Variants in ZNF248 observed in about 807,000 individuals in gnomAD.
The protein encoded by ZNF248 is KRAB protein domain.
ZNF248 carries 20 observed loss-of-function variants against 44.3 expected under a neutral mutation model. The observed-to-expected ratio is 0.45, with a 90% CI of 0.32 to 0.66. The LOEUF (loss-of-function observed/expected upper bound fraction) is 0.66. Ranked by LOEUF, ZNF248 falls within the 30% of genes least tolerant of loss-of-function variation. ZNF248 has a pLI of 0.04. For synonymous variants in ZNF248, 224 were observed against 229.0 expected (o/e 0.98, Z 0.20); for missense variants, 654 against 677.0 (o/e 0.97, Z 0.38).
chr10:37,837,388 C>G (rs1214735693), intron 5 of ZNF248, among the ~76,000 whole-genome samples: 1 of 152,186 alleles, frequency 6.6e-6, no homozygotes, highest in Non-Finnish European at 1.5e-5. Flanking sequence ...GCTGGGATTA[C>G]AGGCGTGAGC....
chr10:37,857,922 A>C (rs1275779243), upstream of ZNF248: 2 of 152,150 alleles, frequency 1.3e-5, no homozygotes, highest in African/African-American at 4.8e-5. Flanking sequence ...GTCCCTCCCC[A>C]CCGCCGAGGT....
intron 6 of ZNF248, chr10:37,802,681 G>A (rs185342379): frequency 1.5e-3 from 222 of 152,218 alleles, no homozygotes; most frequent in Non-Finnish European, 2.7e-3. Context: ...CCTTCAGTTC[G>A]AAAATCCTCC....
intron 6 of ZNF248, among the ~76,000 whole-genome samples, chr10:37,808,149 T>TTGAGCC (rs2050874067): frequency 6.6e-6 from 1 of 152,186 alleles, no homozygotes; most frequent in East Asian, 1.9e-4. Context: ...TGTGATGTAT[T>TTGAGCC]ACATTAGGTG....
At chr10:37,816,239 C>T (rs1318484654) in intron 6 of ZNF248, among the ~76,000 whole-genome samples, 3 of 152,154 alleles carry the variant, frequency 2.0e-5, no homozygotes, top group African/African-American at 7.2e-5. Context: ...GCAACAATGG[C>T]AATGAGTTAC....
intron 6 of ZNF248, among the ~76,000 whole-genome samples, chr10:37,800,238 T>C (rs2049647191): frequency 2.0e-5 from 3 of 152,252 alleles, no homozygotes; most frequent in Admixed American, 6.5e-5. Flanking sequence ...TAGTACTCCA[T>C]AGGTAGTTTT....
At chr10:37,798,933 TCA>T (rs2049475066) in intron 6 of ZNF248, among the ~76,000 whole-genome samples, 1 of 152,110 alleles carries the variant, frequency 6.6e-6, no homozygotes, top group South Asian at 2.1e-4. Flanking sequence ...AAATAAATCA[TCA>T]CAGTTTGCTA....
chr10:37,851,734 CA>C (rs200931321), intron 3 of ZNF248, among the ~76,000 whole-genome samples: 2 of 15,352 alleles, frequency 1.3e-4, no homozygotes, highest in African/African-American at 4.7e-4. Context: ...AAATAAATAA[CA>C]AAAAAAAATC....
At chr10:37,807,612 T>A (rs994658204) in intron 6 of ZNF248, among the ~76,000 whole-genome samples, 4 of 152,208 alleles carry the variant, frequency 2.6e-5, no homozygotes, top group Non-Finnish European at 5.9e-5. Flanking sequence ...CAGCAACATT[T>A]TGTAGTTTTC....
the ZNF248 span, among the ~76,000 whole-genome samples, chr10:37,764,211 T>G: frequency 7.2e-5 from 11 of 152,190 alleles, no homozygotes; most frequent in African/African-American, 1.4e-4. Flanking sequence ...CTAAAATGGC[T>G]GCTCTGGGAA....
In ZNF248 at chr10:37,838,088, T is replaced by C; in HGVS notation, c.39A>G (p.Val13=). ...ACTCTTCCTGAGTGAAGTCCACACA[T>C]ACATCCTTGAATGACACTTGTTCCT... is the stretch of plus-strand genomic sequence containing the variant. ...KSQEQVSFKD[V]CVDFTQEEWY... Residue 13 remains valine (V), a synonymous_variant, in exon 4 of 6, where the codon GTA becomes GTG. Coordinates refer to ENST00000395867, the MANE Select transcript of ZNF248 (RefSeq NM_021045.3). 6.2e-7 allele frequency: 1 copy of C among 1,613,114 alleles called. No individual in the cohort carries two copies. The highest frequency in any genetic ancestry group is 8.5e-7 in the Non-Finnish European group (1 of 1,179,394).
chr10:37,836,948 C>A (rs959382284), intron 5 of ZNF248, among the ~76,000 whole-genome samples: 5 of 149,648 alleles, frequency 3.3e-5, no homozygotes, highest in African/African-American at 1.3e-4. Flanking sequence ...GAATACCTGT[C>A]AGCTAACAAA....
the ZNF248 span, among the ~76,000 whole-genome samples, chr10:37,770,041 A>G: frequency 1.3e-5 from 2 of 152,238 alleles, no homozygotes; most frequent in Non-Finnish European, 2.9e-5. Context: ...AAAGAGATTA[A>G]AATACCTAGA....
At chr10:37,850,765 C>A (rs1407187388) in intron 3 of ZNF248, among the ~76,000 whole-genome samples, 1 of 152,014 alleles carries the variant, frequency 6.6e-6, no homozygotes. Context: ...TAGGCAAAAA[C>A]TGAGCCTCAA....
intron 3 of ZNF248, among the ~76,000 whole-genome samples, chr10:37,852,270 T>A (rs1174068606): frequency 6.6e-6 from 1 of 150,598 alleles, no homozygotes; most frequent in African/African-American, 2.4e-5. Flanking sequence ...ATGTGATATA[T>A]CCATACCATG....
At chr10:37,822,708 G>C (rs1246102765) in intron 6 of ZNF248, among the ~76,000 whole-genome samples, 1 of 151,966 alleles carries the variant, frequency 6.6e-6, no homozygotes, top group Non-Finnish European at 1.5e-5. Flanking sequence ...AAATGTCTTT[G>C]GCCACATATA....
chr10:37,776,289 C>G (rs1271748418), downstream of ZNF248: 1 of 313,266 alleles, frequency 3.2e-6, no homozygotes. Context: ...TCAGTCCAGT[C>G]ACATATCTTT....
intron 6 of ZNF248, chr10:37,791,575 C>CA (rs2048557141): frequency 6.6e-6 from 1 of 152,130 alleles, no homozygotes; most frequent in Non-Finnish European, 1.5e-5. Flanking sequence ...CACCCCACAA[C>CA]AGGGAAGTGG....
chr10:37,842,664 A>G (rs564557034), intron 3 of ZNF248, among the ~76,000 whole-genome samples: 2 of 152,270 alleles, frequency 1.3e-5, no homozygotes, highest in South Asian at 4.2e-4. Flanking sequence ...CTCATTTAGG[A>G]TAGAAAAAAA....
downstream of ZNF248, among the ~76,000 whole-genome samples, chr10:37,771,534 A>G (rs1481168509): frequency 4.0e-5 from 6 of 151,240 alleles, no homozygotes; most frequent in Admixed American, 6.6e-5. Context: ...AAAAAAATCA[A>G]AACACCGCAT....
Sources: allele counts gnomAD v4.1 joint callset (sites outside exome capture counted in the v4.1 genomes callset), GRCh38; gene constraint gnomAD v4.1.1; transcripts MANE v1.5; gene names NCBI Gene and HGNC (gene_info 2026-07-23, HGNC 2026-07-21).